Variants in CNTNAP5 observed in about 807,000 individuals in gnomAD.
CNTNAP5 encodes the protein contactin-associated protein-like 5.
CNTNAP5 carries 72 observed loss-of-function variants against 150.2 expected under a neutral mutation model. The observed-to-expected ratio is 0.48, with a 90% CI of 0.40 to 0.58. CNTNAP5 has a LOEUF of 0.58. Among genes scored for constraint, CNTNAP5 ranks in the 20% least tolerant of loss-of-function variants. CNTNAP5 has a pLI of 0.00. For missense variants in CNTNAP5, 1,636 were observed against 1,626.2 expected (o/e 1.01, Z -0.10); for synonymous variants, 672 against 619.8 (o/e 1.08, Z -1.25).
intron 3 of CNTNAP5, among the ~76,000 whole-genome samples, chr2:124,402,708 T>A (rs1164003940): frequency 6.6e-6 from 1 of 152,200 alleles, no homozygotes; most frequent in African/African-American, 2.4e-5. Flanking sequence ...ATCAAATAAC[T>A]GTCGCTATTA....
chr2:124,077,422 C>G (rs1244966262), intron 1 of CNTNAP5, among the ~76,000 whole-genome samples: 3 of 152,162 alleles, frequency 2.0e-5, no homozygotes, highest in African/African-American at 7.2e-5. Flanking sequence ...TCCAGCTCTA[C>G]TTTTCTGACA....
At chr2:124,336,247 T>C (rs1433871730) in intron 3 of CNTNAP5, among the ~76,000 whole-genome samples, 1 of 151,814 alleles carries the variant, frequency 6.6e-6, no homozygotes, top group Non-Finnish European at 1.5e-5. Flanking sequence ...ACAAAAAAAG[T>C]CTTCCCTCCC....
At chr2:124,787,378 T>C (rs1222379264) in intron 17 of CNTNAP5, among the ~76,000 whole-genome samples, 1 of 152,226 alleles carries the variant, frequency 6.6e-6, no homozygotes, top group Admixed American at 6.5e-5. Flanking sequence ...TAAAGAGATT[T>C]ACTTACCAAA....
At position 124,070,205 on chromosome 2, in the gene CNTNAP5, A is replaced by T. The variant is rs369876227; in HGVS notation, c.82+44473A>T. ...AACAAATACATAAAATATAAAAAGC[A>T]AGAAATTATACCATCAGAAAAATAT... On this transcript the variant is annotated intron_variant, in intron 1 of 23. Coordinates refer to ENST00000682447, the MANE Select transcript of CNTNAP5 (RefSeq NM_001367498.1). Among the ~76,000 whole-genome samples the T allele has an allele frequency of 3.3e-5, 5 of 152,076 alleles. No homozygotes were observed. The East Asian group carries it at 9.6e-4, about 29-fold the overall frequency.
intron 3 of CNTNAP5, among the ~76,000 whole-genome samples, chr2:124,323,854 T>G (rs1689155240): frequency 6.6e-6 from 1 of 151,864 alleles, no homozygotes; most frequent in Admixed American, 6.6e-5. Flanking sequence ...GTTATGGCCT[T>G]TGTGTGTGTG....
At chr2:124,659,144 A>C (rs567931925) in intron 13 of CNTNAP5, among the ~76,000 whole-genome samples, 3 of 152,332 alleles carry the variant, frequency 2.0e-5, no homozygotes, top group Admixed American at 6.5e-5. Context: ...GAAGAATAAA[A>C]AGTGTTTGAA....
intron 21 of CNTNAP5, among the ~76,000 whole-genome samples, chr2:124,886,359 T>A (rs1025153744): frequency 6.6e-6 from 1 of 152,108 alleles, no homozygotes; most frequent in Non-Finnish European, 1.5e-5. Context: ...CATAGAGCAC[T>A]GTGACAGTGA....
intron 3 of CNTNAP5, among the ~76,000 whole-genome samples, chr2:124,257,916 G>A (rs1687354354): frequency 1.3e-5 from 2 of 152,064 alleles, no homozygotes; most frequent in Non-Finnish European, 2.9e-5. Flanking sequence ...TGATAAAACC[G>A]AAATGTTCTC....
intron 3 of CNTNAP5, among the ~76,000 whole-genome samples, chr2:124,247,720 G>T (rs933377803): frequency 6.6e-6 from 1 of 152,112 alleles, no homozygotes. Flanking sequence ...GATATAGCTG[G>T]TTAGTGATAG....
At chr2:124,387,043 C>G (rs1295945058) in intron 3 of CNTNAP5, among the ~76,000 whole-genome samples, 1 of 152,128 alleles carries the variant, frequency 6.6e-6, no homozygotes, top group East Asian at 1.9e-4. Context: ...ACAAAGAACC[C>G]CACCATATTG....
At chr2:124,043,581 T>G (rs2104634280) in intron 1 of CNTNAP5, among the ~76,000 whole-genome samples, 1 of 152,344 alleles carries the variant, frequency 6.6e-6, no homozygotes. Flanking sequence ...CATGTTCTCC[T>G]ATTTGTAGTG....
intron 17 of CNTNAP5, among the ~76,000 whole-genome samples, chr2:124,774,424 C>T (rs1287562477): frequency 6.6e-6 from 1 of 152,172 alleles, no homozygotes; most frequent in Non-Finnish European, 1.5e-5. Flanking sequence ...TCAACAGGAA[C>T]CATATTTCTT....
At chr2:124,288,326 A>G (rs758926760) in intron 3 of CNTNAP5, among the ~76,000 whole-genome samples, 51 of 152,164 alleles carry the variant, frequency 3.4e-4, no homozygotes, top group Admixed American at 2.1e-3. Context: ...TTCTCTGCTC[A>G]ATTCACCAAT....
chr2:124,776,911 A>AT (rs560640990), intron 17 of CNTNAP5, among the ~76,000 whole-genome samples: 102 of 152,212 alleles, frequency 6.7e-4, no homozygotes, highest in African/African-American at 2.1e-3. Context: ...ATAAAAGTGT[A>AT]TTTTTTTCAA....
intron 8 of CNTNAP5, 127 bp downstream of exon 8, chr2:124,504,683 T>G: frequency 1.5e-6 from 1 of 671,232 alleles, no homozygotes; most frequent in Non-Finnish European, 2.4e-6. Context: ...ACAAATGTAC[T>G]CCAAGTCTGA....
At chr2:124,093,676 A>G (rs1682866783) in intron 1 of CNTNAP5, among the ~76,000 whole-genome samples, 1 of 152,220 alleles carries the variant, frequency 6.6e-6, no homozygotes, top group South Asian at 2.1e-4. Context: ...CATCTTGCAA[A>G]TCTCGACCTT....
At chr2:124,124,315 A>G (rs2104719863) in intron 1 of CNTNAP5, among the ~76,000 whole-genome samples, 1 of 152,178 alleles carries the variant, frequency 6.6e-6, no homozygotes, top group East Asian at 1.9e-4. Flanking sequence ...GGTATCAGTG[A>G]TGGAAGATCA....
chr2:124,798,141 T>C lies in CNTNAP5; in HGVS notation c.3038T>C (p.Phe1013Ser), dbSNP rs1190473065. Reference sequence around the variant, plus strand: ...GCTGGCACGTCGGTTACTTACATGTTTCAAGAACCCTATCCTGTGACCAAG... The same window carrying C: ...GCTGGCACGTCGGTTACTTACATGTCTCAAGAACCCTATCCTGTGACCAAG... ...FEAGTSVTYM[F>S]QEPYPVTKNI... Residue 1013 changes from phenylalanine (F) to serine (S), a missense_variant, in exon 19 of 24, where the codon TTT becomes TCT. Phe to Ser is a radical substitution (Grantham distance 155, BLOSUM62 -2). Coordinates refer to ENST00000682447, the MANE Select transcript of CNTNAP5 (RefSeq NM_001367498.1). The C allele has an allele frequency of 6.2e-7, 1 of 1,613,438 alleles. No individual in the cohort carries two copies. The highest frequency in any genetic ancestry group is 2.2e-5 in the East Asian group (1 of 44,850).
chr2:124,146,998 A>G (rs1328009948), intron 1 of CNTNAP5, among the ~76,000 whole-genome samples: 1 of 152,168 alleles, frequency 6.6e-6, no homozygotes, highest in Non-Finnish European at 1.5e-5. Flanking sequence ...AAAATAAACA[A>G]TAAACATACA....
Sources: gnomAD v4.1 joint callset for allele counts (sites outside exome capture counted in the v4.1 genomes callset) on GRCh38, gnomAD v4.1.1 for gene constraint, MANE v1.5 for transcripts, NCBI Gene and HGNC (gene_info 2026-07-23, HGNC 2026-07-21) for gene names.